The following GPC6 variants were observed in gnomAD, a reference collection of about 807,000 sequenced individuals.
GPC6 encodes the protein glypican 6.
Under a neutral mutation model 55.2 loss-of-function variants are expected in GPC6, and 14 were observed. The ratio of observed to expected loss-of-function variants is 0.25; its 90% CI spans 0.17 to 0.40. The LOEUF (loss-of-function observed/expected upper bound fraction) is 0.40. Among genes scored for constraint, GPC6 ranks in the 10% least tolerant of loss-of-function variants. GPC6 has a pLI of 1.00. For synonymous variants in GPC6, 278 were observed against 259.6 expected, an observed-to-expected ratio of 1.07 and a Z score of -0.68; for missense variants, 641 against 708.5, an observed-to-expected ratio of 0.90 and a Z score of 1.08.
In GPC6 at chr13:93,886,183, A is replaced by T. The variant is rs115985927; in HGVS notation, c.711+55638A>T. Among the ~76,000 whole-genome samples the T allele has an allele frequency of 4.6e-3, 703 of 152,208 alleles. 6 individuals carry two copies. Among genetic ancestry groups the T allele is most frequent in the African/African-American group, 0.016 (674 of 41,560 alleles). ...GTCATTATCAACACATTTTATTATG[A>T]AAGTTTCTCTGGATTTTAGAATATG... On this transcript the variant is annotated intron_variant, in intron 3 of 8. Coordinates refer to ENST00000377047, the MANE Select transcript of GPC6 (RefSeq NM_005708.5).
chr13:93,647,570 A>C (rs557198876), intron 2 of GPC6, among the ~76,000 whole-genome samples: 5 of 152,162 alleles, frequency 3.3e-5, no homozygotes, highest in Non-Finnish European at 7.4e-5. Context: ...GACATGACTT[A>C]GGACGTGGAT....
chr13:93,761,305 T>C (rs1440034855), intron 2 of GPC6, among the ~76,000 whole-genome samples: 3 of 152,210 alleles, frequency 2.0e-5, no homozygotes, highest in Admixed American at 2.0e-4. Context: ...TGCACTCTGC[T>C]ATGTAGTATA....
chr13:93,814,891 A>G (rs1457132219), intron 2 of GPC6, among the ~76,000 whole-genome samples: 6 of 152,154 alleles, frequency 3.9e-5, no homozygotes, highest in African/African-American at 1.4e-4. Context: ...CAGCAGTTCA[A>G]AAACAGAGGG....
At chr13:94,245,283 G>A (rs776635024) in intron 4 of GPC6, among the ~76,000 whole-genome samples, 1 of 151,714 alleles carries the variant, frequency 6.6e-6, no homozygotes, top group African/African-American at 2.4e-5. Context: ...ATGCAGCCTG[G>A]TGTGGTGGCT....
At chr13:93,352,863 A>C (rs1222331007) in intron 1 of GPC6, among the ~76,000 whole-genome samples, 1 of 152,182 alleles carries the variant, frequency 6.6e-6, no homozygotes, top group Non-Finnish European at 1.5e-5. Flanking sequence ...TGGTGAGGAC[A>C]GAGTGGGCAG....
chr13:93,783,703 A>G (rs2138911291), intron 2 of GPC6, among the ~76,000 whole-genome samples: 1 of 152,250 alleles, frequency 6.6e-6, no homozygotes, highest in South Asian at 2.1e-4. Flanking sequence ...ATTCCAACCT[A>G]TACTGGAACC....
rs192276039 is a variant in GPC6 at position 93,264,088 on chromosome 13, T to C, written c.160+36472T>C. ...GCTCTTCTGCTACTGGGGCCCTTGG[T>C]AGTTTTTCAAGGGTCTGGGCTTTCT... On this transcript the variant is annotated intron_variant, in intron 1 of 8. Transcript: ENST00000377047. Among the ~76,000 whole-genome samples, 1,075 of 152,204 alleles carry C rather than the reference T, an allele frequency of 7.1e-3. 3 individuals are homozygous for C. The highest frequency in any genetic ancestry group is 0.011 in the Non-Finnish European group (727 of 68,010).
intron 2 of GPC6, among the ~76,000 whole-genome samples, chr13:93,711,951 G>A (rs553258279): frequency 6.6e-6 from 1 of 151,794 alleles, no homozygotes; most frequent in South Asian, 2.1e-4. Flanking sequence ...CGAGTTGCCC[G>A]CTGTGTAGAC....
At chr13:94,282,005 T>G (rs749625736) in intron 4 of GPC6, among the ~76,000 whole-genome samples, 4 of 152,182 alleles carry the variant, frequency 2.6e-5, no homozygotes, top group Non-Finnish European at 5.9e-5. Flanking sequence ...AACATTTAGG[T>G]CCTGTCAAAC....
intron 4 of GPC6, among the ~76,000 whole-genome samples, chr13:94,252,266 A>ATGAG (rs1237935227): frequency 1.3e-5 from 2 of 152,152 alleles, no homozygotes; most frequent in Non-Finnish European, 2.9e-5. Context: ...TGTGTCCTTT[A>ATGAG]TGAGTTCTTT....
chr13:93,905,943 G>GA (rs987089314), intron 3 of GPC6, among the ~76,000 whole-genome samples: 2 of 152,298 alleles, frequency 1.3e-5, no homozygotes, highest in Non-Finnish European at 2.9e-5. Context: ...AAGGTTATCT[G>GA]AAAATTAAAA....
intron 4 of GPC6, among the ~76,000 whole-genome samples, chr13:94,110,127 G>C (rs1260217266): frequency 6.7e-6 from 1 of 150,310 alleles, no homozygotes; most frequent in African/African-American, 2.4e-5. Context: ...ACCATAGGAA[G>C]AGCATCTGCA....
intron 4 of GPC6, among the ~76,000 whole-genome samples, chr13:94,112,555 A>G (rs1325064038): frequency 2.0e-5 from 3 of 152,162 alleles, no homozygotes; most frequent in Non-Finnish European, 4.4e-5. Flanking sequence ...CATCATCTTA[A>G]TACCTAAAGG....
intron 3 of GPC6, among the ~76,000 whole-genome samples, chr13:93,987,798 T>TAGTACAA: frequency 1.3e-5 from 2 of 152,216 alleles, no homozygotes. Flanking sequence ...CTTTGCTTTA[T>TAGTACAA]TATTACTGTT....
At chr13:93,553,716 AG>A (rs1875292629) in intron 2 of GPC6, among the ~76,000 whole-genome samples, 4 of 141,732 alleles carry the variant, frequency 2.8e-5, no homozygotes, top group Non-Finnish European at 4.6e-5. Context: ...AAAAAAAAAA[AG>A]GAGAGGAATG....
chr13:93,744,272 T>C (rs2138853437), intron 2 of GPC6, among the ~76,000 whole-genome samples: 1 of 152,302 alleles, frequency 6.6e-6, no homozygotes, highest in African/African-American at 2.4e-5. Context: ...TGTTTCTTCT[T>C]CACTCTTTTA....
intron 4 of GPC6, among the ~76,000 whole-genome samples, chr13:94,203,332 A>T (rs1459008388): frequency 6.6e-6 from 1 of 151,692 alleles, no homozygotes; most frequent in Non-Finnish European, 1.5e-5. Flanking sequence ...AACCATGAAA[A>T]TTCCAAAGAA....
chr13:93,667,095 G>A, intron 2 of GPC6, among the ~76,000 whole-genome samples: 1 of 152,062 alleles, frequency 6.6e-6, no homozygotes, highest in South Asian at 2.1e-4. Context: ...AATATATAAA[G>A]TATGAAACTG....
In GPC6 at chr13:93,691,784, T is replaced by C. The variant is rs571608424; in HGVS notation, c.320-138370T>C. Reference sequence around the variant, plus strand: ...ATAAGTTATGAAATTTAAAAAACTTTAAAAAGGATCTTATATGCCGTGATA... The same window carrying C: ...ATAAGTTATGAAATTTAAAAAACTTCAAAAAGGATCTTATATGCCGTGATA... On this transcript the variant is annotated intron_variant, in intron 2 of 8. Coordinates refer to ENST00000377047, the MANE Select transcript of GPC6 (RefSeq NM_005708.5). 4.3e-4 allele frequency among the ~76,000 whole-genome samples: 65 copies of C among 152,184 alleles called. 1 individual carries two copies. Among genetic ancestry groups the C allele is most frequent in the African/African-American group, 1.5e-3 (61 of 41,564 alleles).
Sources: gnomAD v4.1 joint callset for allele counts (sites outside exome capture counted in the v4.1 genomes callset) on GRCh38, gnomAD v4.1.1 for gene constraint, MANE v1.5 for transcripts, NCBI Gene and HGNC (gene_info 2026-07-23, HGNC 2026-07-21) for gene names.